CSRNP2: variants seen among roughly 807,000 people sequenced by gnomAD.
CSRNP2 encodes the protein cysteine and serine rich nuclear protein 2.
In CSRNP2, 11 loss-of-function variants were observed where a neutral mutation model predicts 36.6. The observed-to-expected ratio is 0.30, with a 90% confidence interval of 0.19 to 0.50. CSRNP2 has a LOEUF of 0.50. Ranked by LOEUF, CSRNP2 falls within the 20% of genes least tolerant of loss-of-function variation. The pLI, the probability that CSRNP2 is intolerant of heterozygous loss-of-function variation, is 0.98. For synonymous variants in CSRNP2, 248 were observed against 275.3 expected, an observed-to-expected ratio of 0.90 and a Z score of 0.98; for missense variants, 483 against 691.4, an observed-to-expected ratio of 0.70 and a Z score of 3.38.
At chr12:51,076,917 G>A (rs1311755635) in intron 1 of CSRNP2, 4 of 183,594 alleles carry the variant, frequency 2.2e-5, no homozygotes, top group African/African-American at 6.9e-5. Flanking sequence ...TCCAGCTGGG[G>A]TCTAGGCTTC....
chr12:51,071,026 C>T (rs1219672569), intron 3 of CSRNP2, among the ~76,000 whole-genome samples: 2 of 152,064 alleles, frequency 1.3e-5, no homozygotes, highest in Non-Finnish European at 1.5e-5. Flanking sequence ...CTTTGGGAGG[C>T]CGAGGCGGGT....
At chr12:51,065,039 G>A (rs888619702) in intron 4 of CSRNP2, among the ~76,000 whole-genome samples, 3 of 152,200 alleles carry the variant, frequency 2.0e-5, no homozygotes, top group Admixed American at 6.5e-5. Context: ...AAATTTACGA[G>A]CCTCAGAGAC....
chr12:51,072,819 G>A (rs1230093011), intron 3 of CSRNP2, among the ~76,000 whole-genome samples: 3 of 152,112 alleles, frequency 2.0e-5, no homozygotes, highest in South Asian at 2.1e-4. Context: ...CTGTGCATCC[G>A]GCCAAGGGAC....
chr12:51,075,674 G>A (rs77246694), intron 2 of CSRNP2, among the ~76,000 whole-genome samples: 1 of 151,420 alleles, frequency 6.6e-6, no homozygotes. Flanking sequence ...CAACAAAACA[G>A]GCATTGGGCC....
In CSRNP2 at chr12:51,064,522, G is replaced by A. The variant is rs780987464; in HGVS notation, c.856C>T (p.Arg286Cys). 10 of 1,613,168 alleles carry A rather than the reference G, an allele frequency of 6.2e-6. No homozygotes were observed. Among genetic ancestry groups the A allele is most frequent in the Admixed American group, 1.7e-5 (1 of 59,892 alleles). ...LELESKRQVS[R>C]PAAPDEEPSP... The stretch of plus-strand genomic sequence containing the variant: ...GGCTCCTCATCTGGGGCTGCTGGGC[G>A]GCTCACCTGCCGCTTGCTCTCCAGC... The change falls in exon 5 of 5, where the codon CGC (arginine) becomes TGC (cysteine). Residue 286 changes from arginine (R) to cysteine (C), a missense_variant. Arg to Cys is a radical substitution (Grantham distance 180). This residue lies in a region of CSRNP2 where 277 missense variants were observed against 323.6 expected (regional missense o/e 0.86). Transcript: ENST00000228515.
At chr12:51,082,105 T>C (rs1939666911) in intron 1 of CSRNP2, among the ~76,000 whole-genome samples, 1 of 152,248 alleles carries the variant, frequency 6.6e-6, no homozygotes, top group Non-Finnish European at 1.5e-5. Context: ...CTTGCTGCTG[T>C]GTTACCATAA....
chr12:51,067,820 C>T lies in CSRNP2; in HGVS notation c.561G>A (p.Leu187=), dbSNP rs1346405682. The T allele has an allele frequency of 2.5e-6, 4 of 1,614,236 alleles. No homozygotes were observed. The highest frequency in any genetic ancestry group is 3.4e-6 in the Non-Finnish European group (4 of 1,180,048). ...CAATACGGTGGACCCCAGAAGCCCTCAGCAGGGCCCGTCGCCGTTTGGTGG... is the reference window on the plus strand; with the variant it reads ...CAATACGGTGGACCCCAGAAGCCCTTAGCAGGGCCCGTCGCCGTTTGGTGG... ...PLPTKRRRAL[L]RASGVHRIDA... Residue 187 remains leucine (L), a synonymous_variant, in exon 4 of 5, where the codon CTG becomes CTA. Coordinates refer to ENST00000228515, the MANE Select transcript of CSRNP2 (RefSeq NM_030809.3). This position sits in a 1 kb window ranked among gnomAD's most constrained non-coding sequence, Gnocchi z 4.1.
intron 1 of CSRNP2, 33 bp from the exon 2 acceptor site, chr12:51,076,680 G>A: frequency 8.8e-7 from 1 of 1,140,338 alleles, no homozygotes; most frequent in South Asian, 1.4e-5. Flanking sequence ...CAGCATTCCT[G>A]TCCCCAGACA....
At chr12:51,078,180 G>A (rs1939469911) in intron 1 of CSRNP2, among the ~76,000 whole-genome samples, 1 of 152,238 alleles carries the variant, frequency 6.6e-6, no homozygotes, top group East Asian at 1.9e-4. Context: ...GCCTGCTACA[G>A]AGCTGCTTTT....
At chr12:51,073,440 A>C (rs1327331433) in intron 3 of CSRNP2, among the ~76,000 whole-genome samples, 2 of 151,166 alleles carry the variant, frequency 1.3e-5, no homozygotes, top group African/African-American at 4.8e-5. Flanking sequence ...GTCAAATAAA[A>C]AAAAAAATCA....
At chr12:51,065,067 G>C (rs528157043) in intron 4 of CSRNP2, among the ~76,000 whole-genome samples, 1 of 152,282 alleles carries the variant, frequency 6.6e-6, no homozygotes, top group Admixed American at 6.5e-5. Context: ...GAACTTACCT[G>C]GTTCACTGAG....
rs541378088 is a variant in CSRNP2 at position 51,063,721 on chromosome 12, T to G, written c.*25A>C. 3.1e-4 allele frequency: 459 copies of G among 1,486,326 alleles called. No individual in the cohort carries two copies. The highest frequency in any genetic ancestry group is 6.2e-4 in the Admixed American group (26 of 42,254). 92.1% of individuals were successfully genotyped at this position (1,486,326 alleles called of 1,614,324 possible). On this transcript the variant is annotated 3_prime_UTR_variant, in exon 5 of 5. Transcript: ENST00000228515. ...AATAAGGGAATAAATAGAGAATGGG[T>G]AAGAGGCAGGACCTCTAGCGCCTGT...
At position 51,073,847 on chromosome 12, in the gene CSRNP2, C is replaced by T; in HGVS notation, c.387G>A (p.Glu129=). 6.2e-7 allele frequency: 1 copy of T among 1,613,870 alleles called. No individual in the cohort carries two copies. The highest frequency in any genetic ancestry group is 8.5e-7 in the Non-Finnish European group (1 of 1,179,934). ...CCTTCATTTTCTTGGCATGGAGTTT[C>T]TCTTCCTTCAGGTGCTCACGCAGAA... ...REILREHLKE[E]KLHAKKMKLT... The change falls in exon 3 of 5, where the codon GAG becomes GAA. Residue 129 remains glutamate, a synonymous_variant. Coordinates refer to ENST00000228515, the MANE Select transcript of CSRNP2 (RefSeq NM_030809.3).
intron 1 of CSRNP2, 69 bp from the exon 2 acceptor site, chr12:51,076,716 G>A (rs983675545): frequency 4.1e-6 from 3 of 723,744 alleles, no homozygotes; most frequent in Non-Finnish European, 6.9e-6. Context: ...TATACACACA[G>A]CTCTCTAAAG....
At chr12:51,079,420 A>T (rs1267672620) in intron 1 of CSRNP2, among the ~76,000 whole-genome samples, 1 of 151,134 alleles carries the variant, frequency 6.6e-6, no homozygotes, top group Non-Finnish European at 1.5e-5. Context: ...TGTAGCGGGG[A>T]GGGGGAGCCC....
chr12:51,072,421 G>A (rs1196906919), intron 3 of CSRNP2, among the ~76,000 whole-genome samples: 1 of 151,808 alleles, frequency 6.6e-6, no homozygotes, highest in African/African-American at 2.4e-5. Flanking sequence ...AAAATAGCCG[G>A]GTGTGGTGTT....
intron 2 of CSRNP2, among the ~76,000 whole-genome samples, chr12:51,075,722 A>C (rs1016146798): frequency 1.3e-5 from 2 of 152,204 alleles, no homozygotes; most frequent in Non-Finnish European, 2.9e-5. Context: ...ATATAGTATC[A>C]GTTCTTTCCA....
chr12:51,065,351 C>T (rs897422484), intron 4 of CSRNP2, among the ~76,000 whole-genome samples: 1 of 152,102 alleles, frequency 6.6e-6, no homozygotes, highest in African/African-American at 2.4e-5. Flanking sequence ...CTTTCTACCT[C>T]CTTATCACTT....
intron 3 of CSRNP2, among the ~76,000 whole-genome samples, chr12:51,070,765 A>G (rs528947864): frequency 6.6e-6 from 1 of 152,350 alleles, no homozygotes; most frequent in South Asian, 2.1e-4. Flanking sequence ...ACAACCCCAA[A>G]GGAAGACAAA....
Sources: allele counts gnomAD v4.1 joint callset (sites outside exome capture counted in the v4.1 genomes callset), GRCh38; gene constraint gnomAD v4.1.1; regional missense constraint gnomAD v4.1.1; non-coding constraint Gnocchi (gnomAD v3.1); transcripts MANE v1.5; gene names NCBI Gene and HGNC (gene_info 2026-07-23, HGNC 2026-07-21).